The following NLGN4X variants were observed in gnomAD, a reference collection of about 807,000 sequenced individuals.
NLGN4X encodes the protein neuroligin 4 X-linked.
A neutral mutation model predicts 40.3 loss-of-function variants in NLGN4X; 3 were observed. The ratio of observed to expected loss-of-function variants is 0.07; its 90% CI spans 0.03 to 0.19. The LOEUF (loss-of-function observed/expected upper bound fraction) is 0.19, where lower values mean the gene tolerates loss of function less well. Among genes scored for constraint, NLGN4X ranks in the 10% least tolerant of loss-of-function variants. The pLI is 1.00. For missense variants in NLGN4X, 382 were observed against 708.3 expected (o/e 0.54, Z 5.23); for synonymous variants, 270 against 306.8 (o/e 0.88, Z 1.25).
chrX:6,005,902 C>A (rs1385156287), intron 3 of NLGN4X, among the ~76,000 whole-genome samples: 2 of 111,335 alleles, frequency 1.8e-5, no homozygotes, highest in Admixed American at 1.9e-4. Flanking sequence ...CATTTACTAT[C>A]CCCCTAAGTA....
intron 3 of NLGN4X, among the ~76,000 whole-genome samples, chrX:6,006,911 T>C (rs1265843043): frequency 4.5e-5 from 5 of 111,001 alleles, no homozygotes; most frequent in African/African-American, 1.6e-4. Flanking sequence ...TGACTTAAGA[T>C]AGAAGTATCA....
intron 3 of NLGN4X, among the ~76,000 whole-genome samples, chrX:5,913,372 C>A (rs895061042): frequency 1.8e-5 from 2 of 111,506 alleles, no homozygotes; most frequent in Admixed American, 9.5e-5. Flanking sequence ...CCTGAGAAGT[C>A]ATTCCTCGGA....
At chrX:5,957,405 C>A (rs2146966136) in intron 3 of NLGN4X, among the ~76,000 whole-genome samples, 1 of 111,812 alleles carries the variant, frequency 8.9e-6, no homozygotes, top group African/African-American at 3.2e-5. Flanking sequence ...GAATCAGTAC[C>A]TTTCACAGCA....
rs185262583 is a variant in NLGN4X at position 5,928,998 on chromosome X, G to T, written c.626-19759C>A. Among the ~76,000 whole-genome samples the T allele has an allele frequency of 3.0e-4, 33 of 109,373 alleles. No homozygotes were observed. In the East Asian group the frequency reaches 9.2e-3, roughly 31 times the overall value. 95.0% of individuals were successfully genotyped at this position (109,373 alleles called of 115,157 possible). On this transcript the variant is annotated intron_variant, in intron 3 of 5. Coordinates refer to ENST00000381095, the MANE Select transcript of NLGN4X (RefSeq NM_181332.3). ...CCGTGCCCAGAGAAAGACTCATTTT[G>T]GTTTTAGTTGATCTGCTGATTAACC...
chrX:6,175,090 G>A (rs1025844147), intron 1 of NLGN4X, among the ~76,000 whole-genome samples: 1 of 111,398 alleles, frequency 9.0e-6, no homozygotes, highest in East Asian at 2.8e-4. Flanking sequence ...ACCCTCCAGA[G>A]GGTGAAGAGG....
chrX:6,093,826 T>C (rs1240694756), intron 2 of NLGN4X, among the ~76,000 whole-genome samples: 2 of 111,940 alleles, frequency 1.8e-5, no homozygotes. Context: ...TATTACATAG[T>C]AAAATATTTC....
In NLGN4X at chrX:6,082,669, T is replaced by G. The variant is rs1037393308; in HGVS notation, c.473-53237A>C. Reference sequence around the variant, plus strand: ...TAAATAAAATCTTTTTCACTGGGCCTTAACAAATGAATGACTGGGATCTTC... The same window carrying G: ...TAAATAAAATCTTTTTCACTGGGCCGTAACAAATGAATGACTGGGATCTTC... On this transcript the variant is annotated intron_variant, in intron 2 of 5. Coordinates refer to ENST00000381095, the MANE Select transcript of NLGN4X (RefSeq NM_181332.3). Among the ~76,000 whole-genome samples the G allele has an allele frequency of 3.6e-5, 4 of 111,210 alleles. No homozygotes were observed. In the East Asian group the frequency reaches 8.4e-4, roughly 23 times the overall value.
intron 3 of NLGN4X, among the ~76,000 whole-genome samples, chrX:6,008,447 C>T (rs868587987): frequency 8.9e-6 from 1 of 111,988 alleles, no homozygotes; most frequent in African/African-American, 3.2e-5. Context: ...ACCTTGTAAA[C>T]ATTTTATTAG....
rs764219154 is a variant in NLGN4X, at chrX:6,040,808, CTTAA to C, written c.473-11380_473-11377del. Among the ~76,000 whole-genome samples, 463 of 112,094 alleles carry C rather than the reference CTTAA, an allele frequency of 4.1e-3. 1 individual carries two copies. The highest frequency in any genetic ancestry group is 0.013 in the African/African-American group (397 of 30,880). On this transcript the variant is annotated intron_variant, in intron 2 of 5. Transcript: ENST00000381095. ...GATAAATGATAGACAGATATAATTG[CTTAA>C]TTGAGATATAATTAATATACCATAC...
At chrX:6,190,928 G>C (rs7884310) in intron 1 of NLGN4X, among the ~76,000 whole-genome samples, 3,266 of 110,938 alleles carry the variant, frequency 0.029, 125 homozygotes, top group African/African-American at 0.099. Flanking sequence ...AGTCAGACAG[G>C]TGACCTTCAT....
intron 2 of NLGN4X, among the ~76,000 whole-genome samples, chrX:6,089,990 C>A (rs935506752): frequency 9.0e-6 from 1 of 111,022 alleles, no homozygotes; most frequent in African/African-American, 3.3e-5. Flanking sequence ...TATTAGGAAT[C>A]ATGTGCTCCC....
chrX:6,051,580 G>T (rs1405815843), intron 2 of NLGN4X, among the ~76,000 whole-genome samples: 1 of 110,607 alleles, frequency 9.0e-6, no homozygotes, highest in Non-Finnish European at 1.9e-5. Flanking sequence ...CAGAAAGTAG[G>T]AGAGAGACAA....
chrX:5,938,966 C>CGTGT (rs60927853), intron 3 of NLGN4X, among the ~76,000 whole-genome samples: 8,391 of 101,836 alleles, frequency 0.082, 301 homozygotes, highest in East Asian at 0.12. Context: ...TGTGTGTGTG[C>CGTGT]GTGTGTGTGT....
chrX:6,109,068 T>C (rs762043531), intron 2 of NLGN4X, among the ~76,000 whole-genome samples: 2 of 111,685 alleles, frequency 1.8e-5, no homozygotes, highest in South Asian at 3.8e-4. Context: ...TTGAGACCAA[T>C]CTGGGCAATA....
chrX:6,034,153 C>G (rs150638970), intron 2 of NLGN4X, among the ~76,000 whole-genome samples: 1 of 112,168 alleles, frequency 8.9e-6, no homozygotes, highest in Admixed American at 9.5e-5. Flanking sequence ...CTGGGTGGTG[C>G]GTGGGTGTGA....
At chrX:6,120,905 TAG>T (rs2039408343) in intron 2 of NLGN4X, among the ~76,000 whole-genome samples, 1 of 111,767 alleles carries the variant, frequency 8.9e-6, no homozygotes, top group Non-Finnish European at 1.9e-5. Context: ...CAAGAAACTT[TAG>T]AGAGTAGAAC....
At chrX:6,225,899 C>CGA (rs369941000) in intron 1 of NLGN4X, among the ~76,000 whole-genome samples, 2 of 84,429 alleles carry the variant, frequency 2.4e-5, no homozygotes, top group African/African-American at 9.8e-5. Context: ...CCGCCCCCCC[C>CGA]AAAAAAAATG....
intron 2 of NLGN4X, among the ~76,000 whole-genome samples, chrX:6,081,856 T>C (rs2038357895): frequency 8.9e-6 from 1 of 112,365 alleles, no homozygotes; most frequent in Non-Finnish European, 1.9e-5. Context: ...AAATCGATCT[T>C]ATTTTCCAGT....
intron 2 of NLGN4X, among the ~76,000 whole-genome samples, chrX:6,093,731 C>G (rs2038694827): frequency 9.1e-6 from 1 of 110,228 alleles, no homozygotes; most frequent in South Asian, 3.8e-4. Flanking sequence ...AATAGCCAAC[C>G]CAAAAGTAAA....
Sources: allele counts gnomAD v4.1 joint callset (sites outside exome capture counted in the v4.1 genomes callset), GRCh38; gene constraint gnomAD v4.1.1; transcripts MANE v1.5; gene names NCBI Gene and HGNC (gene_info 2026-07-23, HGNC 2026-07-21).